The following GBP5 variants were observed in gnomAD, a reference collection of about 807,000 sequenced individuals.
GBP5 encodes the protein guanylate binding protein 5, also known as guanylate-binding protein 5.
In GBP5, 48 loss-of-function variants were observed where a neutral mutation model predicts 58.2. The ratio of observed to expected loss-of-function variants is 0.83; its 90% CI spans 0.65 to 1.05. The LOEUF (loss-of-function observed/expected upper bound fraction) is 1.05, where lower values mean the gene tolerates loss of function less well. Ranked by LOEUF, GBP5 falls within the 50% of genes least tolerant of loss-of-function variation. GBP5 has a pLI of 0.00. For missense variants in GBP5, 714 were observed against 686.8 expected (o/e 1.04, Z -0.44); for synonymous variants, 248 against 251.8 (o/e 0.98, Z 0.14).
intron 9 of GBP5, 40 bp downstream of exon 9, chr1:89,263,696 T>A (rs1208616164): frequency 7.0e-7 from 1 of 1,419,550 alleles, no homozygotes; most frequent in Non-Finnish European, 9.9e-7. Context: ...TACAAAGAGG[T>A]CCCTCAGCAA....
In GBP5 at chr1:89,267,166, TAAAG is replaced by T; in HGVS notation, c.429-17_429-14del. 6.4e-7 allele frequency: 1 copy of T among 1,568,336 alleles called. No individual in the cohort carries two copies. Among genetic ancestry groups the T allele is most frequent in the Non-Finnish European group, 8.6e-7 (1 of 1,160,018 alleles). On this transcript the variant is annotated splice_polypyrimidine_tract_variant and intron_variant, in intron 5 of 11. Coordinates refer to ENST00000370459, the MANE Select transcript of GBP5 (RefSeq NM_052942.5). ...TTCTGTCACATTGCTGAGATGCAAT[TAAAG>T]AAAACTGGCAGAAATAGGACCACAT... is the stretch of plus-strand genomic sequence containing the variant.
At chr1:89,266,278 T>C in intron 7 of GBP5, 68 bp downstream of exon 7, 2 of 1,336,712 alleles carry the variant, frequency 1.5e-6, no homozygotes, top group Admixed American at 2.0e-5. Context: ...AATGCAAGGA[T>C]AATCTTATAA....
intron 7 of GBP5, 42 bp from the exon 8 acceptor site, chr1:89,265,008 G>A (rs765692797): frequency 6.4e-6 from 10 of 1,552,236 alleles, no homozygotes; most frequent in South Asian, 2.3e-5. Flanking sequence ...TGCAAAGGAA[G>A]AAGACATGAT....
Position 89,269,301 on chromosome 1 carries a change from C to T in GBP5, c.190+65G>A, listed in dbSNP as rs539143942. Reference sequence around the variant, plus strand: ...ATGTCTTACTCTCTCCTTGCTTCCTCGTACTGGATGGTGACTGTGTGAATG... The same window carrying T: ...ATGTCTTACTCTCTCCTTGCTTCCTTGTACTGGATGGTGACTGTGTGAATG... On this transcript the variant is annotated intron_variant, in intron 3 of 11. Coordinates refer to ENST00000370459, the MANE Select transcript of GBP5 (RefSeq NM_052942.5). 8.3e-4 allele frequency: 1,234 copies of T among 1,481,342 alleles called. 24 individuals are homozygous for T. The South Asian group carries it at 9.7e-3, about 12-fold the overall frequency. The allele number at this position is 1,481,342 out of a possible 1,614,324, so 91.8% of individuals were successfully genotyped here.
At chr1:89,270,657 C>G (rs1208520605) in intron 2 of GBP5, 98 bp downstream of exon 2, 1 of 152,170 alleles carries the variant, frequency 6.6e-6, no homozygotes, top group Non-Finnish European at 1.5e-5. Context: ...ATGCCTAGTG[C>G]AAGCCTGACC....
chr1:89,262,751 T>A lies in GBP5; in HGVS notation c.1397A>T (p.Lys466Met). Reference protein sequence around the residue: ...EEVLQKYLKSKESVSHAILQT... With the variant: ...EEVLQKYLKSMESVSHAILQT... ...TAATATTGCATGACTCACAGACTCCTTGGACTTTAAATATTTCTGCAGAAC... is the reference window on the plus strand; with the variant it reads ...TAATATTGCATGACTCACAGACTCCATGGACTTTAAATATTTCTGCAGAAC... The change falls in exon 10 of 12, where the codon AAG (lysine) becomes ATG (methionine). Residue 466 changes from lysine (K) to methionine (M), a missense_variant. Physicochemically the swap from Lys to Met is moderately conservative, Grantham distance 95 (BLOSUM62 -1). Coordinates refer to ENST00000370459, the MANE Select transcript of GBP5 (RefSeq NM_052942.5). The A allele has an allele frequency of 6.3e-7, 1 of 1,580,714 alleles. No individual in the cohort carries two copies. Among genetic ancestry groups the A allele is most frequent in the East Asian group, 2.3e-5 (1 of 43,964 alleles).
rs1323151211 is a variant in GBP5, at chr1:89,256,933, A to G, written c.*3771T>C. 6.6e-6 allele frequency among the ~76,000 whole-genome samples: 1 copy of G among 152,170 alleles called. No individual in the cohort carries two copies. Reference sequence around the variant, plus strand: ...TTGGTGATCGTTATACACTAGAGTCATTACCACATTTTCTCTACTTCATTT... The same window carrying G: ...TTGGTGATCGTTATACACTAGAGTCGTTACCACATTTTCTCTACTTCATTT... On this transcript the variant is annotated 3_prime_UTR_variant, in exon 12 of 12. Coordinates refer to ENST00000370459, the MANE Select transcript of GBP5 (RefSeq NM_052942.5).
rs1445469778 is a variant in GBP5 at position 89,269,515 on chromosome 1, A to G, written c.41T>C (p.Ile14Thr). 6.2e-7 allele frequency: 1 copy of G among 1,614,024 alleles called. No homozygotes were observed. The highest frequency in any genetic ancestry group is 1.3e-5 in the African/African-American group (1 of 75,028). The stretch of plus-strand genomic sequence containing the variant: ...CTTCAGCTGCTCATTAAAGTTCTCG[A>G]TGAGGCACATGGGGTCTGACATGTG... ...EIHMSDPMCL[I>T]ENFNEQLKVN... The change falls in exon 3 of 12, where the codon ATC becomes ACC. Residue 14 changes from isoleucine to threonine, a missense_variant. Ile to Thr is a moderately conservative substitution (Grantham distance 89, BLOSUM62 -1). Transcript: ENST00000370459.
chr1:89,260,631 A>T lies in GBP5; in HGVS notation c.*73T>A. On this transcript the variant is annotated 3_prime_UTR_variant, in exon 12 of 12. Coordinates refer to ENST00000370459, the MANE Select transcript of GBP5 (RefSeq NM_052942.5). ...GTTTATTTAAATGTTGATTGTCCCAAGGTCTACAGTTTCTTTTCTGTTGTG... is the reference window on the plus strand; with the variant it reads ...GTTTATTTAAATGTTGATTGTCCCATGGTCTACAGTTTCTTTTCTGTTGTG... 1 of 854,390 alleles carries T rather than the reference A, an allele frequency of 1.2e-6. No homozygotes were observed. The highest frequency in any genetic ancestry group is 1.9e-6 in the Non-Finnish European group (1 of 513,650). 52.9% of individuals were successfully genotyped at this position (854,390 alleles called of 1,614,324 possible). A position where few individuals can be genotyped will look rare whatever the true frequency, so the allele number is the denominator to read the frequency against.
chr1:89,262,943 A>T, intron 9 of GBP5, 158 bp from the exon 10 acceptor site: 1 of 482,178 alleles, frequency 2.1e-6, no homozygotes, highest in Non-Finnish European at 3.6e-6. Context: ...ACAGGCTTCC[A>T]CCCTGCACTT....
Position 89,259,264 on chromosome 1 carries a change from GA to G in GBP5, c.*1439del, listed in dbSNP as rs1649901288. 1 of 152,182 alleles carries G rather than the reference GA, an allele frequency of 6.6e-6. No individual in the cohort carries two copies. The highest frequency in any genetic ancestry group is 1.5e-5 in the Non-Finnish European group (1 of 68,034). 9.4% of individuals were successfully genotyped at this position (152,182 alleles called of 1,614,324 possible). A position where few individuals can be genotyped will look rare whatever the true frequency, so the allele number is the denominator to read the frequency against. ...TTTAAGTTGTGCTCTTGGTGAGGGT[GA>G]ACAGAAAAGAAAAGGCTTCTTCTTT... On this transcript the variant is annotated 3_prime_UTR_variant, in exon 12 of 12. Transcript: ENST00000370459.
intron 4 of GBP5, among the ~76,000 whole-genome samples, chr1:89,268,043 A>C (rs1432761474): frequency 1.3e-5 from 2 of 152,224 alleles, no homozygotes; most frequent in African/African-American, 4.8e-5. Context: ...TGGAAGTTCA[A>C]GAGAAAGATC....
At chr1:89,267,619 C>T in intron 4 of GBP5, 93 bp from the exon 5 acceptor site, 1 of 740,816 alleles carries the variant, frequency 1.3e-6, no homozygotes, top group Non-Finnish European at 2.4e-6. Context: ...TTTAACAAGA[C>T]AAAAGAAAAA....
chr1:89,271,931 G>A (rs1454784454), intron 1 of GBP5: 5 of 152,304 alleles, frequency 3.3e-5, no homozygotes, highest in Non-Finnish European at 5.9e-5. Flanking sequence ...GCTAAAGGAA[G>A]AAATCTACTT....
At chr1:89,266,215 T>C in intron 7 of GBP5, 131 bp downstream of exon 7, 1 of 746,830 alleles carries the variant, frequency 1.3e-6, no homozygotes, top group Non-Finnish European at 2.2e-6. Flanking sequence ...TTAATAAATA[T>C]GATACATATG....
chr1:89,268,482 T>A (rs928145318), intron 4 of GBP5, among the ~76,000 whole-genome samples: 6 of 152,158 alleles, frequency 3.9e-5, no homozygotes, highest in African/African-American at 1.4e-4. Context: ...TTTATATGCA[T>A]CATGTTTATG....
rs1210513879 is a variant in GBP5, at chr1:89,263,945, G to C, written c.1153C>G (p.Leu385Val). 1.7e-5 allele frequency: 27 copies of C among 1,596,098 alleles called. No homozygotes were observed. The highest frequency in any genetic ancestry group is 2.3e-5 in the Non-Finnish European group (27 of 1,165,812). Residue 385 changes from leucine to valine, a missense_variant, in exon 9 of 12, where the codon CTA becomes GTA. Physicochemically the swap from Leu to Val is conservative, Grantham distance 32 (BLOSUM62 1). Coordinates refer to ENST00000370459, the MANE Select transcript of GBP5 (RefSeq NM_052942.5). ...DQSFQKELET[L>V]LDAKQNDICK... Reference sequence around the variant, plus strand: ...ATGTCATTCTGTTTTGCATCTAGTAGAGTCTTCAAAGAGACAAAAACCCAT... The same window carrying C: ...ATGTCATTCTGTTTTGCATCTAGTACAGTCTTCAAAGAGACAAAAACCCAT...
intron 9 of GBP5, chr1:89,263,457 C>A: frequency 3.1e-6 from 1 of 326,064 alleles, no homozygotes; most frequent in South Asian, 6.4e-5. Context: ...AAAAAGGCCT[C>A]TTTGTTGCAA....
Position 89,262,744 on chromosome 1 carries a change from A to G in GBP5, c.1404T>C (p.Ser468=). ...CAGTCTGTAATATTGCATGACTCACAGACTCCTTGGACTTTAAATATTTCT... is the reference window on the plus strand; with the variant it reads ...CAGTCTGTAATATTGCATGACTCACGGACTCCTTGGACTTTAAATATTTCT... ...VLQKYLKSKE[S]VSHAILQTDQ... Residue 468 remains serine, a synonymous_variant, in exon 10 of 12, where the codon TCT becomes TCC. Transcript: ENST00000370459. 2 of 1,591,866 alleles carry G rather than the reference A, an allele frequency of 1.3e-6. No homozygotes were observed. The highest frequency in any genetic ancestry group is 1.7e-6 in the Non-Finnish European group (2 of 1,173,914).
Sources: gnomAD v4.1 joint callset for allele counts (sites outside exome capture counted in the v4.1 genomes callset) on GRCh38, gnomAD v4.1.1 for gene constraint, MANE v1.5 for transcripts, NCBI Gene and HGNC (gene_info 2026-07-23, HGNC 2026-07-21) for gene names.